Variants in GLIS3 observed in about 807,000 individuals in gnomAD.
GLIS3 encodes the protein GLIS family zinc finger 3.
In GLIS3, 53 loss-of-function variants were observed where a neutral mutation model predicts 78.6. That is an observed-to-expected ratio of 0.67 (90% CI 0.54 to 0.85). GLIS3 has a LOEUF of 0.85. Among genes scored for constraint, GLIS3 ranks in the 40% least tolerant of loss-of-function variants. The pLI is 0.00. For missense variants in GLIS3, 1,703 were observed against 1,231.1 expected (o/e 1.38, Z -5.74); for synonymous variants, 684 against 509.9 (o/e 1.34, Z -4.60).
At chr9:3,905,963 T>C (rs545372288) in intron 6 of GLIS3, among the ~76,000 whole-genome samples, 1 of 152,158 alleles carries the variant, frequency 6.6e-6, no homozygotes, top group Non-Finnish European at 1.5e-5. Flanking sequence ...AAGGCCTCTG[T>C]AGACTGGACA....
At chr9:4,144,083 T>C (rs935418132) in intron 2 of GLIS3, among the ~76,000 whole-genome samples, 10 of 152,054 alleles carry the variant, frequency 6.6e-5, no homozygotes, top group Admixed American at 3.3e-4. Context: ...ACAGGGCAAG[T>C]GGGAGAGCTG....
chr9:4,275,784 G>T (rs771378683), intron 2 of GLIS3, among the ~76,000 whole-genome samples: 5 of 151,894 alleles, frequency 3.3e-5, no homozygotes, highest in Non-Finnish European at 5.9e-5. Flanking sequence ...AAGCAAGTAA[G>T]TAAATAAATA....
chr9:3,970,683 C>T (rs111785622), intron 4 of GLIS3, among the ~76,000 whole-genome samples: 9 of 152,150 alleles, frequency 5.9e-5, no homozygotes, highest in African/African-American at 2.2e-4. Flanking sequence ...GATTATTCAG[C>T]AGAGCAGAAA....
rs1313010263 is a variant in GLIS3, at chr9:3,867,943, AATG to A, written c.2297+11481_2297+11483del. On this transcript the variant is annotated intron_variant, in intron 8 of 10. Transcript: ENST00000381971. ...AAAATGCTGTGGCCCAAAGAGAAAG[AATG>A]ATGTTCATGATGACATGGCACAAGG... Among the ~76,000 whole-genome samples, 3 of 152,266 alleles carry A rather than the reference AATG, an allele frequency of 2.0e-5. No homozygotes were observed. The East Asian group carries it at 5.8e-4, about 29-fold the overall frequency.
At chr9:4,253,735 T>C (rs1355187704) in intron 2 of GLIS3, among the ~76,000 whole-genome samples, 2 of 152,136 alleles carry the variant, frequency 1.3e-5, no homozygotes, top group Non-Finnish European at 2.9e-5. Flanking sequence ...GCCCTGGTGG[T>C]GTAGGCATCC....
At chr9:4,006,781 C>G (rs1278349535) in intron 4 of GLIS3, among the ~76,000 whole-genome samples, 1 of 152,204 alleles carries the variant, frequency 6.6e-6, no homozygotes, top group Non-Finnish European at 1.5e-5. Context: ...CCAATATGTA[C>G]AGCTAAGAGT....
the GLIS3 span, among the ~76,000 whole-genome samples, chr9:4,383,929 A>T: frequency 1.1e-3 from 163 of 152,296 alleles, no homozygotes; most frequent in African/African-American, 3.0e-3. Context: ...TCCTAGAGAG[A>T]GCACGAACCC....
intron 2 of GLIS3, among the ~76,000 whole-genome samples, chr9:4,321,395 C>T (rs1469536333): frequency 2.0e-5 from 2 of 101,092 alleles, no homozygotes; most frequent in Non-Finnish European, 3.3e-5. Context: ...GCACTCCAGC[C>T]TGGGCCACAG....
At chr9:4,457,910 A>G in the GLIS3 span, among the ~76,000 whole-genome samples, 2 of 152,148 alleles carry the variant, frequency 1.3e-5, no homozygotes, top group South Asian at 4.2e-4. Flanking sequence ...TCCAAGACCT[A>G]AGTTCTGACC....
At chr9:4,049,601 A>G (rs1041825261) in intron 4 of GLIS3, among the ~76,000 whole-genome samples, 2 of 152,154 alleles carry the variant, frequency 1.3e-5, no homozygotes, top group African/African-American at 4.8e-5. Flanking sequence ...TTGCGCACAC[A>G]TAGGAATAAG....
intron 2 of GLIS3, among the ~76,000 whole-genome samples, chr9:4,326,514 A>G (rs1367001585): frequency 6.6e-6 from 1 of 152,122 alleles, no homozygotes; most frequent in Non-Finnish European, 1.5e-5. Context: ...ATAGAGACAG[A>G]AAGTGGAGTA....
chr9:4,089,095 A>T (rs1277603275), intron 4 of GLIS3, among the ~76,000 whole-genome samples: 3 of 152,248 alleles, frequency 2.0e-5, no homozygotes, highest in African/African-American at 7.2e-5. Flanking sequence ...TTTATTTTTT[A>T]TGAACTAGTC....
chr9:3,901,549 A>G (rs550590668), intron 6 of GLIS3, among the ~76,000 whole-genome samples: 3 of 152,332 alleles, frequency 2.0e-5, no homozygotes, highest in East Asian at 1.9e-4. Context: ...TCAGAAAGAA[A>G]GACAAACACA....
chr9:4,145,207 G>C (rs921286686), intron 2 of GLIS3: 1 of 152,182 alleles, frequency 6.6e-6, no homozygotes, highest in African/African-American at 2.4e-5. Context: ...CAAGTCTTTG[G>C]GATGGCAGAG....
chr9:4,411,638 T>A, the GLIS3 span, among the ~76,000 whole-genome samples: 14 of 152,302 alleles, frequency 9.2e-5, no homozygotes, highest in East Asian at 2.7e-3. Context: ...AAATCCATAT[T>A]TTTGATTTAT....
chr9:3,982,531 G>C (rs911440445), intron 4 of GLIS3, among the ~76,000 whole-genome samples: 1 of 152,158 alleles, frequency 6.6e-6, no homozygotes, highest in Non-Finnish European at 1.5e-5. Context: ...CACAGGGGAA[G>C]CTTCTTCTTT....
intron 2 of GLIS3, among the ~76,000 whole-genome samples, chr9:4,345,941 A>C (rs1817892473): frequency 6.6e-6 from 1 of 152,242 alleles, no homozygotes; most frequent in Admixed American, 6.5e-5. Context: ...AAATTCAAAA[A>C]GAATATTCAA....
chr9:4,436,171 T>C, the GLIS3 span, among the ~76,000 whole-genome samples: 1 of 152,140 alleles, frequency 6.6e-6, no homozygotes, highest in Non-Finnish European at 1.5e-5. Flanking sequence ...TAGTTACAGA[T>C]ATGAAGATGA....
intron 4 of GLIS3, among the ~76,000 whole-genome samples, chr9:4,032,445 T>G (rs192874843): frequency 1.3e-5 from 2 of 152,064 alleles, no homozygotes; most frequent in African/African-American, 2.4e-5. Flanking sequence ...TGCTTTTTTT[T>G]CAAAATTTTA....
Sources: gnomAD v4.1 joint callset for allele counts (sites outside exome capture counted in the v4.1 genomes callset) on GRCh38, gnomAD v4.1.1 for gene constraint, MANE v1.5 for transcripts, NCBI Gene and HGNC (gene_info 2026-07-23, HGNC 2026-07-21) for gene names.